DHX29: variants seen among roughly 807,000 people sequenced by gnomAD.
DHX29 encodes the protein ATP-dependent RNA helicase DHX29.
In DHX29, 79 loss-of-function variants were observed where a neutral mutation model predicts 167.9. The observed-to-expected ratio is 0.47, with a 90% CI of 0.39 to 0.57. The LOEUF (loss-of-function observed/expected upper bound fraction) is 0.57. Ranked by LOEUF, DHX29 falls within the 20% of genes least tolerant of loss-of-function variation. The pLI is 0.00. For missense variants in DHX29, 1,347 were observed against 1,593.4 expected (o/e 0.85, Z 2.63); for synonymous variants, 530 against 546.0 (o/e 0.97, Z 0.41).
chr5:55,274,707 A>C lies in DHX29; in HGVS notation c.2597T>G (p.Ile866Ser), dbSNP rs748257008. 3.1e-6 allele frequency: 5 copies of C among 1,592,216 alleles called. No individual in the cohort carries two copies. Among genetic ancestry groups the C allele is most frequent in the Non-Finnish European group, 4.3e-6 (5 of 1,173,482 alleles). Residue 866 changes from isoleucine (I) to serine (S), a missense_variant, in exon 16 of 27, where the codon ATT becomes AGT. Transcript: ENST00000251636. ...TAAAAAGATCAATACTGCTCCTTCA[A>C]TATTTCTGAATTGGGGACTTTTATC... ...YLDKSPQFRNIEGAVLIFLPG... is the reference protein window; with the variant it reads ...YLDKSPQFRNSEGAVLIFLPG...
In DHX29 at chr5:55,274,724, A is replaced by C; in HGVS notation, c.2580T>G (p.Ser860Arg). 1 of 1,584,158 alleles carries C rather than the reference A, an allele frequency of 6.3e-7. No individual in the cohort carries two copies. Among genetic ancestry groups the C allele is most frequent in the Non-Finnish European group, 8.5e-7 (1 of 1,170,926 alleles). ...ILELLAYLDK[S>R]PQFRNIEGAV... is the part of the protein sequence containing the mutation. ...CTCCTTCAATATTTCTGAATTGGGG[A>C]CTTTTATCTGAAATTTTTAAAAAGA... Residue 860 changes from serine to arginine, a missense_variant, in exon 16 of 27, where the codon AGT becomes AGG. Around this residue, in one of 3 missense-constraint regions of DHX29, gnomAD observed 882 missense variants for 1,082.4 expected, o/e 0.81. Transcript: ENST00000251636.
At chr5:55,271,153 G>T (rs1746836418) in intron 18 of DHX29, among the ~76,000 whole-genome samples, 1 of 152,134 alleles carries the variant, frequency 6.6e-6, no homozygotes, top group Admixed American at 6.5e-5. Flanking sequence ...GTACTCTCTT[G>T]CAAATATTGC....
chr5:55,285,278 C>T lies in DHX29; in HGVS notation c.1356+15G>A, dbSNP rs773363898. On this transcript the variant is annotated intron_variant, in intron 10 of 26. Transcript: ENST00000251636. ...CCTTCCACATACAGATATAGTTAGG[C>T]CTAAAAAGTCTTACCTGCCCTTTAA... 3.1e-6 allele frequency: 5 copies of T among 1,612,642 alleles called. No individual in the cohort carries two copies. Among genetic ancestry groups the T allele is most frequent in the Non-Finnish European group, 4.2e-6 (5 of 1,179,480 alleles).
At chr5:55,288,968 A>G (rs1747890538) in intron 8 of DHX29, among the ~76,000 whole-genome samples, 1 of 152,242 alleles carries the variant, frequency 6.6e-6, no homozygotes, top group African/African-American at 2.4e-5. Context: ...GTAGGCTCAC[A>G]GCCATTAAAG....
chr5:55,288,245 A>C (rs1244956698), intron 8 of DHX29, among the ~76,000 whole-genome samples: 1 of 152,100 alleles, frequency 6.6e-6, no homozygotes, highest in East Asian at 1.9e-4. Flanking sequence ...CTCCATCTCA[A>C]AAACAAAAAA....
chr5:55,295,400 A>G lies in DHX29; in HGVS notation c.630T>C (p.Tyr210=), dbSNP rs1471014798. 2 of 1,612,546 alleles carry G rather than the reference A, an allele frequency of 1.2e-6. No homozygotes were observed. The highest frequency in any genetic ancestry group is 1.7e-5 in the Admixed American group (1 of 59,984). Residue 210 remains tyrosine (Y), a synonymous_variant, in exon 5 of 27, where the codon TAT becomes TAC. Coordinates refer to ENST00000251636, the MANE Select transcript of DHX29 (RefSeq NM_019030.4). ...TTACCTTACTCTTAGGGTCCTCTTC[A>G]TATGTTTTTGTTTTAGGTTGCAATG... ...SPPLQPKTKT[Y]EEDPKSKPKK...
At chr5:55,258,293 T>C (rs567061139) in intron 26 of DHX29, among the ~76,000 whole-genome samples, 3 of 152,330 alleles carry the variant, frequency 2.0e-5, no homozygotes, top group East Asian at 3.9e-4. Flanking sequence ...AGGAAATACA[T>C]GAACATGTTA....
Position 55,281,460 on chromosome 5 carries a change from C to G in DHX29, c.2021G>C (p.Arg674Thr), listed in dbSNP as rs752219120. ...AACCCCTGTTGTACAATAGAGTAAC[C>G]TGGTAGATTCACAAGCTCGAGATTC... is the stretch of plus-strand genomic sequence containing the variant. ...RMESRACEST[R>T]LLYCTTGVLL... The change falls in exon 12 of 27, where the codon AGG (arginine) becomes ACG (threonine). Residue 674 changes from arginine (R) to threonine (T), a missense_variant. By Grantham distance (71) the Arg-to-Thr change is moderately conservative (BLOSUM62 -1). Around this residue, in one of 3 missense-constraint regions of DHX29, gnomAD observed 882 missense variants for 1,082.4 expected, o/e 0.81. Transcript: ENST00000251636. 1.3e-5 allele frequency: 21 copies of G among 1,596,772 alleles called. No homozygotes were observed. The highest frequency in any genetic ancestry group is 1.2e-5 in the Non-Finnish European group (14 of 1,171,654).
chr5:55,266,277 T>A (rs1746563364), intron 23 of DHX29, among the ~76,000 whole-genome samples: 1 of 151,646 alleles, frequency 6.6e-6, no homozygotes, highest in African/African-American at 2.4e-5. Flanking sequence ...ATTACAGGCA[T>A]GAGCCACTGC....
intron 22 of DHX29, 98 bp downstream of exon 22, chr5:55,267,588 C>CCT (rs1183762690): frequency 5.4e-6 from 6 of 1,103,848 alleles, no homozygotes; most frequent in Admixed American, 2.8e-5. Flanking sequence ...TAAATTTAAA[C>CCT]CTCAGAAGTA....
chr5:55,269,299 G>A lies in DHX29; in HGVS notation c.3294+114C>T, dbSNP rs532675951. ...TCAGGCCCTCTCGGTTTTAATGTTC[G>A]TATAGACATTCTATTTAGTTAAAAA... On this transcript the variant is annotated intron_variant, in intron 21 of 26. Transcript: ENST00000251636. 5.8e-5 allele frequency: 52 copies of A among 900,318 alleles called. 1 individual carries two copies. Among genetic ancestry groups the A allele is most frequent in the Middle Eastern group, 7.1e-4 (2 of 2,830 alleles). The allele number at this position is 900,318 out of a possible 1,614,324, so 55.8% of individuals were successfully genotyped here. A position where few individuals can be genotyped will look rare whatever the true frequency, so the allele number is the denominator to read the frequency against.
At chr5:55,301,713 C>CAAAAA (rs70992777) in intron 1 of DHX29, among the ~76,000 whole-genome samples, 43 of 64,678 alleles carry the variant, frequency 6.6e-4, no homozygotes, top group East Asian at 1.2e-3. Flanking sequence ...AACTCCATCT[C>CAAAAA]AAAAAAAAAA....
At position 55,285,776 on chromosome 5, in the gene DHX29, A is replaced by C. The variant is rs1328547082; in HGVS notation, c.1152T>G (p.Ile384Met). 1.2e-6 allele frequency: 2 copies of C among 1,604,596 alleles called. No individual in the cohort carries two copies. Among genetic ancestry groups the C allele is most frequent in the Non-Finnish European group, 1.7e-6 (2 of 1,173,280 alleles). The change falls in exon 9 of 27, where the codon ATT becomes ATG. Residue 384 changes from isoleucine (I) to methionine (M), a missense_variant. Physicochemically the swap from Ile to Met is conservative, Grantham distance 10. Coordinates refer to ENST00000251636, the MANE Select transcript of DHX29 (RefSeq NM_019030.4). ...TGGGAAGATTCTTCCTGACCCAATCAATCAGAAATTGTTTGGGAGATTTTC... is the reference window on the plus strand; with the variant it reads ...TGGGAAGATTCTTCCTGACCCAATCCATCAGAAATTGTTTGGGAGATTTTC... The part of the protein sequence containing the change: ...WTGKSPKQFL[I>M]DWVRKNLPKS...
At position 55,297,323 on chromosome 5, in the gene DHX29, C is replaced by T; in HGVS notation, c.337G>A (p.Gly113Arg). Residue 113 changes from glycine to arginine, a missense_variant, in exon 3 of 27, where the codon GGA becomes AGA. Transcript: ENST00000251636. ...GCAGTAAGTCTTCCAGAAATCATTC[C>T]TTTGTCATTATTTTGCTTTTTATGC... ...NEHKKQNNDK[G>R]MISGRLTAKK... 1.9e-6 allele frequency: 3 copies of T among 1,598,814 alleles called. No individual in the cohort carries two copies. Among genetic ancestry groups the T allele is most frequent in the Non-Finnish European group, 2.6e-6 (3 of 1,168,110 alleles).
chr5:55,267,746 G>A lies in DHX29; in HGVS notation c.3371C>T (p.Ala1124Val). The change falls in exon 22 of 27, where the codon GCA becomes GTA. Residue 1124 changes from alanine to valine, a missense_variant. Transcript: ENST00000251636. ...PIGRKDEADL[A>V]KSALAMADSD... is the part of the protein sequence containing the mutation. The stretch of plus-strand genomic sequence containing the variant: ...ATCCGCCATGGCCAAAGCTGATTTT[G>A]CAAGATCTGCTTCATCTTTTCGACC... 1 of 1,609,924 alleles carries A rather than the reference G, an allele frequency of 6.2e-7. No homozygotes were observed. The highest frequency in any genetic ancestry group is 1.1e-5 in the South Asian group (1 of 90,614).
intron 25 of DHX29, among the ~76,000 whole-genome samples, chr5:55,260,385 C>T (rs1437422556): frequency 6.6e-6 from 1 of 152,070 alleles, no homozygotes; most frequent in African/African-American, 2.4e-5. Flanking sequence ...GTGCCTGCCA[C>T]CATGCCTGGC....
rs544181447 is a variant in DHX29 at position 55,267,383 on chromosome 5, G to T, written c.3432-152C>A. ...TGTAGCAGCTACCAATTGTATATAA[G>T]AATATTATTAACAGATCTGTTTACA... On this transcript the variant is annotated intron_variant, in intron 22 of 26. Coordinates refer to ENST00000251636, the MANE Select transcript of DHX29 (RefSeq NM_019030.4). The T allele has an allele frequency of 1.4e-5, 9 of 628,516 alleles. No homozygotes were observed. In the East Asian group the frequency reaches 2.5e-4, roughly 17 times the overall value. The allele number at this position is 628,516 out of a possible 1,614,324, so 38.9% of individuals were successfully genotyped here. A position where few individuals can be genotyped will look rare whatever the true frequency, so the allele number is the denominator to read the frequency against.
chr5:55,265,979 CTCCTT>C (rs961303458), intron 23 of DHX29, among the ~76,000 whole-genome samples: 5 of 151,738 alleles, frequency 3.3e-5, no homozygotes, highest in South Asian at 2.1e-4. Flanking sequence ...TGTAGATTCT[CTCCTT>C]TCAACTTTTT....
rs1171364758 is a variant in DHX29 at position 55,256,145 on chromosome 5, C to CTGAT, written c.*339_*342dup. On this transcript the variant is annotated 3_prime_UTR_variant, in exon 27 of 27. Transcript: ENST00000251636. ...GTTTAAATTCTGCAGACATCAAGGA[C>CTGAT]TGATAGGGGATGAGGCAGCTACACA... The CTGAT allele has an allele frequency of 2.5e-5, 4 of 162,794 alleles. No homozygotes were observed. Among genetic ancestry groups the CTGAT allele is most frequent in the African/African-American group, 4.8e-5 (2 of 41,636 alleles). The allele number at this position is 162,794 out of a possible 1,614,324, so 10.1% of individuals were successfully genotyped here. A position where few individuals can be genotyped will look rare whatever the true frequency, so the allele number is the denominator to read the frequency against.
Sources: gnomAD v4.1 joint callset for allele counts (sites outside exome capture counted in the v4.1 genomes callset) on GRCh38, gnomAD v4.1.1 for gene constraint, gnomAD v4.1.1 regional missense constraint, MANE v1.5 for transcripts, NCBI Gene and HGNC (gene_info 2026-07-23, HGNC 2026-07-21) for gene names.